CDYL2: variants seen among roughly 807,000 people sequenced by gnomAD.
The protein encoded by CDYL2 is chromodomain Y-like protein 2.
In CDYL2, 23 loss-of-function variants were observed where a neutral mutation model predicts 49.4. The ratio of observed to expected loss-of-function variants is 0.47; its 90% CI spans 0.34 to 0.66. The LOEUF (loss-of-function observed/expected upper bound fraction) is 0.66. CDYL2 is among the 30% of genes least tolerant of loss of function. CDYL2 has a pLI of 0.01. For synonymous variants in CDYL2, 360 were observed against 268.8 expected (o/e 1.34, Z -3.32); for missense variants, 678 against 656.4 (o/e 1.03, Z -0.36).
Position 80,612,910 on chromosome 16 carries a change from CAGGTGCTGTGAGG to C in CDYL2, c.1008-87_1008-75del. ...GCCCCACTGGAACCCTTGACTCTCC[CAGGTGCTGTGAGG>C]AGCACCCTCAGGTCGTCAGAGGTTA... is the stretch of plus-strand genomic sequence containing the variant. On this transcript the variant is annotated intron_variant, in intron 4 of 6. Transcript: ENST00000570137. The surrounding 1 kb of genome is among the most constrained non-coding windows in gnomAD (Gnocchi z 5.0). 7.2e-7 allele frequency: 1 copy of C among 1,394,954 alleles called. No homozygotes were observed. The highest frequency in any genetic ancestry group is 9.7e-7 in the Non-Finnish European group (1 of 1,035,164). 86.4% of individuals were successfully genotyped at this position (1,394,954 alleles called of 1,614,324 possible).
chr16:80,712,085 GTGTGTATATATA>G (rs1477353409), intron 1 of CDYL2, among the ~76,000 whole-genome samples: 12 of 149,302 alleles, frequency 8.0e-5, no homozygotes, highest in South Asian at 2.1e-4. Context: ...ATATAGATGT[GTGTGTATATATA>G]TGTGTATATA....
At chr16:80,722,984 G>A (rs1905048893) in intron 1 of CDYL2, among the ~76,000 whole-genome samples, 1 of 152,228 alleles carries the variant, frequency 6.6e-6, no homozygotes, top group African/African-American at 2.4e-5. Context: ...CAGAGCAGAA[G>A]GAGAAGACAT....
chr16:80,651,131 G>A (rs117343392), intron 2 of CDYL2, among the ~76,000 whole-genome samples: 1,989 of 152,186 alleles, frequency 0.013, 13 homozygotes, highest in Middle Eastern at 0.027. Flanking sequence ...GTAACACAAG[G>A]AATAAATGCT....
rs898882643 is a variant in CDYL2, at chr16:80,600,133, A to C, written c.*4255T>G. On this transcript the variant is annotated 3_prime_UTR_variant, in exon 7 of 7. Coordinates refer to ENST00000570137, the MANE Select transcript of CDYL2 (RefSeq NM_152342.4). ...CAAAGTTGAAAAATTTACTGATCCT[A>C]ATGGTAAGGCTTATTCACAAATTCA... The C allele has an allele frequency of 6.6e-6, 1 of 152,208 alleles. No individual in the cohort carries two copies. The highest frequency in any genetic ancestry group is 2.4e-5 in the African/African-American group (1 of 41,452). The allele number at this position is 152,208 out of a possible 1,614,324, so 9.4% of individuals were successfully genotyped here.
chr16:80,693,649 T>C (rs1334752117), intron 1 of CDYL2, among the ~76,000 whole-genome samples: 1 of 152,190 alleles, frequency 6.6e-6, no homozygotes, highest in Non-Finnish European at 1.5e-5. Flanking sequence ...AAATGAATCT[T>C]ACATTCAGGT....
chr16:80,765,555 TC>T (rs1906690518), intron 1 of CDYL2, among the ~76,000 whole-genome samples: 1 of 151,892 alleles, frequency 6.6e-6, no homozygotes, highest in Non-Finnish European at 1.5e-5. Flanking sequence ...ACTCTGCAGT[TC>T]CTAGGTATAA....
chr16:80,719,206 G>C (rs779670968), intron 1 of CDYL2, among the ~76,000 whole-genome samples: 4 of 152,140 alleles, frequency 2.6e-5, no homozygotes, highest in Non-Finnish European at 4.4e-5. Flanking sequence ...CAAAGGCAAT[G>C]TTTCTCAAAC....
At chr16:80,649,963 A>C (rs1908516321) in intron 2 of CDYL2, among the ~76,000 whole-genome samples, 1 of 152,182 alleles carries the variant, frequency 6.6e-6, no homozygotes. Flanking sequence ...ATATATAAAA[A>C]TCAAATCAAA....
chr16:80,662,627 C>T, intron 2 of CDYL2: 1 of 419,920 alleles, frequency 2.4e-6, no homozygotes, highest in South Asian at 1.8e-5. Context: ...TGATTCAGAA[C>T]TTCCTGCAAT....
At chr16:80,645,495 G>C (rs950055837) in intron 2 of CDYL2, among the ~76,000 whole-genome samples, 9 of 152,154 alleles carry the variant, frequency 5.9e-5, no homozygotes, top group African/African-American at 1.9e-4. Flanking sequence ...ACAGGTGCTG[G>C]AGAGGATGTG....
intron 1 of CDYL2, among the ~76,000 whole-genome samples, chr16:80,779,963 A>T (rs1907209574): frequency 6.6e-6 from 1 of 152,184 alleles, no homozygotes; most frequent in Non-Finnish European, 1.5e-5. Context: ...TTATTAAGAA[A>T]GCATATAATG....
In CDYL2 at chr16:80,600,596, TGA is replaced by T. The variant is rs1906039555; in HGVS notation, c.*3790_*3791del. The stretch of plus-strand genomic sequence containing the variant: ...GAGTCTTAAATACTGTGTATATTAG[TGA>T]GAGTGTCTAAACTAATATATACAAC... On this transcript the variant is annotated 3_prime_UTR_variant, in exon 7 of 7. Coordinates refer to ENST00000570137, the MANE Select transcript of CDYL2 (RefSeq NM_152342.4). The T allele has an allele frequency of 6.6e-6, 1 of 152,198 alleles. No individual in the cohort carries two copies. Among genetic ancestry groups the T allele is most frequent in the African/African-American group, 2.4e-5 (1 of 41,460 alleles). The allele number at this position is 152,198 out of a possible 1,614,324, so 9.4% of individuals were successfully genotyped here.
At chr16:80,661,588 C>A (rs1212754403) in intron 2 of CDYL2, among the ~76,000 whole-genome samples, 1 of 152,132 alleles carries the variant, frequency 6.6e-6, no homozygotes, top group African/African-American at 2.4e-5. Context: ...GCATCTTGAC[C>A]AAGCTTGATG....
chr16:80,804,582 C>T lies in CDYL2; in HGVS notation c.-409G>A, dbSNP rs1282167328. Among the ~76,000 whole-genome samples the T allele has an allele frequency of 6.9e-6, 1 of 145,364 alleles. No homozygotes were observed. Among genetic ancestry groups the T allele is most frequent in the East Asian group, 2.0e-4 (1 of 4,942 alleles). On this transcript the variant is annotated 5_prime_UTR_variant, in exon 1 of 7. Transcript: ENST00000570137. ...AGCCGCCCGGCGCCCGCCGCCGGCC[C>T]GGACGCTGCTGCCACTGGGCGAGTC...
chr16:80,650,624 A>G (rs1299096452), intron 2 of CDYL2, among the ~76,000 whole-genome samples: 2 of 152,220 alleles, frequency 1.3e-5, no homozygotes, highest in African/African-American at 4.8e-5. Context: ...CTGGGTATAC[A>G]CCCAAAAGAA....
chr16:80,803,527 G>T (rs751425107), intron 1 of CDYL2, among the ~76,000 whole-genome samples: 2 of 151,884 alleles, frequency 1.3e-5, no homozygotes, highest in Admixed American at 1.3e-4. Flanking sequence ...GGCAGCAGGT[G>T]GGGGGTGAGG....
intron 2 of CDYL2, among the ~76,000 whole-genome samples, chr16:80,648,213 C>G (rs2142415150): frequency 6.6e-6 from 1 of 151,980 alleles, no homozygotes; most frequent in East Asian, 1.9e-4. Context: ...ATGAATGAAT[C>G]AAAAAGTTGT....
chr16:80,717,111 T>A (rs2142519826), intron 1 of CDYL2, among the ~76,000 whole-genome samples: 1 of 145,428 alleles, frequency 6.9e-6, no homozygotes, highest in East Asian at 2.1e-4. Context: ...GACAAATGGA[T>A]GGAGGGATGA....
rs767141190 is a variant in CDYL2 at position 80,633,202 on chromosome 16, G to A, written c.651C>T (p.His217=). The change falls in exon 3 of 7, where the codon CAC becomes CAT. Residue 217 remains histidine, a synonymous_variant. Transcript: ENST00000570137. ...CTTCCAGCTTCCTCTTCACTGGACT[G>A]TGCAGGTTCAATCCCCCGTTGGTCA... ...SALTNGGLNL[H]SPVKRKLEAE... 5.1e-5 allele frequency: 82 copies of A among 1,614,078 alleles called. No homozygotes were observed. The South Asian group carries it at 8.7e-4, about 17-fold the overall frequency.
Sources: allele counts gnomAD v4.1 joint callset (sites outside exome capture counted in the v4.1 genomes callset), GRCh38; gene constraint gnomAD v4.1.1; non-coding constraint Gnocchi (gnomAD v3.1); transcripts MANE v1.5; gene names NCBI Gene and HGNC (gene_info 2026-07-23, HGNC 2026-07-21).